Variants in CRB1 observed in about 807,000 individuals in gnomAD.
CRB1 encodes protein crumbs homolog 1.
Under a neutral mutation model 120.0 loss-of-function variants are expected in CRB1, and 83 were observed. The ratio of observed to expected loss-of-function variants is 0.69; its 90% confidence interval spans 0.58 to 0.83. CRB1 has a LOEUF of 0.83. Among genes scored for constraint, CRB1 ranks in the 40% least tolerant of loss-of-function variants. The pLI, the probability that CRB1 is intolerant of heterozygous loss-of-function variation, is 0.00. For synonymous variants in CRB1, 625 were observed against 612.5 expected, an observed-to-expected ratio of 1.02 and a Z score of -0.30; for missense variants, 1,699 against 1,687.6, an observed-to-expected ratio of 1.01 and a Z score of -0.12.
intron 6 of CRB1, among the ~76,000 whole-genome samples, chr1:197,423,727 T>C (rs1170588138): frequency 6.6e-6 from 1 of 152,168 alleles, no homozygotes; most frequent in Non-Finnish European, 1.5e-5. Flanking sequence ...CTTGCACTCA[T>C]ATTTGGCTCA....
chr1:197,350,446 G>T (rs144901716), intron 4 of CRB1, among the ~76,000 whole-genome samples: 7 of 152,314 alleles, frequency 4.6e-5, no homozygotes, highest in Non-Finnish European at 1.0e-4. Context: ...GTAGGAGGGC[G>T]AGAGTTTGTA....
intron 1 of CRB1, among the ~76,000 whole-genome samples, chr1:197,294,203 A>C (rs1314720006): frequency 7.2e-5 from 11 of 152,182 alleles, no homozygotes; most frequent in Non-Finnish European, 1.5e-5. Flanking sequence ...CAAAGAACTC[A>C]AACAAATTTA....
chr1:197,233,039 C>T, the CRB1 span, among the ~76,000 whole-genome samples: 12 of 151,924 alleles, frequency 7.9e-5, no homozygotes, highest in African/African-American at 2.7e-4. Context: ...GTTGACACAA[C>T]TCCCACTTTG....
chr1:197,442,439 A>G (rs776390187), intron 11 of CRB1, 147 bp downstream of exon 11: 1 of 1,569,626 alleles, frequency 6.4e-7, no homozygotes, highest in East Asian at 2.3e-5. Flanking sequence ...AACATTCCCA[A>G]ATGAAAAAAA....
intron 11 of CRB1, among the ~76,000 whole-genome samples, chr1:197,452,916 A>G (rs1666040919): frequency 6.6e-6 from 1 of 152,230 alleles, no homozygotes; most frequent in Admixed American, 6.5e-5. Context: ...CAGGATTTCA[A>G]AGACATATCT....
At chr1:197,317,628 G>A (rs2125283984) in intron 1 of CRB1, among the ~76,000 whole-genome samples, 1 of 152,216 alleles carries the variant, frequency 6.6e-6, no homozygotes, top group African/African-American at 2.4e-5. Context: ...AAACAGCATG[G>A]TAAATGGAAT....
At chr1:197,310,415 A>T (rs1461336476) in intron 1 of CRB1, among the ~76,000 whole-genome samples, 2 of 152,212 alleles carry the variant, frequency 1.3e-5, no homozygotes, top group Non-Finnish European at 2.9e-5. Flanking sequence ...ACTCAGCATT[A>T]TCTCTTGTCA....
At chr1:197,353,053 A>G (rs545141065) in intron 4 of CRB1, among the ~76,000 whole-genome samples, 4 of 152,220 alleles carry the variant, frequency 2.6e-5, no homozygotes, top group African/African-American at 4.8e-5. Context: ...TTTGTGAAGC[A>G]CACAGCCTGC....
chr1:197,390,252 A>G (rs1662431548), intron 5 of CRB1, among the ~76,000 whole-genome samples: 2 of 152,118 alleles, frequency 1.3e-5, no homozygotes, highest in Non-Finnish European at 2.9e-5. Context: ...TACATTATAA[A>G]CACATTTATA....
chr1:197,285,909 C>T lies in CRB1; in HGVS notation c.70+17427C>T, dbSNP rs554305120. On this transcript the variant is annotated intron_variant, in intron 1 of 11. Coordinates refer to ENST00000367400, the MANE Select transcript of CRB1 (RefSeq NM_201253.3). ...TTACTAGTTAATTTATTTAGTTATT[C>T]TTTGAATTTGAGCAGAATCTCTTTC... is the stretch of plus-strand genomic sequence containing the variant. Among the ~76,000 whole-genome samples, 3 of 151,938 alleles carry T rather than the reference C, an allele frequency of 2.0e-5. No individual in the cohort carries two copies. The South Asian group carries it at 6.2e-4, about 32-fold the overall frequency.
In CRB1 at chr1:197,415,617, T is replaced by C. The variant is rs544932857; in HGVS notation, c.1172-5383T>C. ...AAGACCTCTTTTTCTTTTTTCTTTT[T>C]TTTTTCTTTTTCTTTTTTCTTTTCT... On this transcript the variant is annotated intron_variant, in intron 5 of 11. Transcript: ENST00000367400. Among the ~76,000 whole-genome samples the C allele has an allele frequency of 2.5e-4, 37 of 150,080 alleles. No homozygotes were observed. The Middle Eastern group carries it at 0.01, about 42-fold the overall frequency.
chr1:197,377,602 T>G (rs545842421), intron 5 of CRB1, among the ~76,000 whole-genome samples: 235 of 152,324 alleles, frequency 1.5e-3, no homozygotes, highest in African/African-American at 5.5e-3. Context: ...TCCATGCCAC[T>G]TGACATATCA....
At chr1:197,311,191 G>T (rs1380211966) in intron 1 of CRB1, among the ~76,000 whole-genome samples, 1 of 152,140 alleles carries the variant, frequency 6.6e-6, no homozygotes, top group Non-Finnish European at 1.5e-5. Flanking sequence ...ATATGCAATG[G>T]GATATTATTC....
At chr1:197,438,743 A>G in intron 10 of CRB1, 68 bp downstream of exon 10, 3 of 1,581,780 alleles carry the variant, frequency 1.9e-6, no homozygotes, top group Middle Eastern at 1.7e-4. Context: ...CTCAAAGTTC[A>G]TTTTCTCCTC....
At chr1:197,287,481 G>A (rs1381130902) in intron 1 of CRB1, among the ~76,000 whole-genome samples, 1 of 151,728 alleles carries the variant, frequency 6.6e-6, no homozygotes, top group Non-Finnish European at 1.5e-5. Flanking sequence ...TCTAAAATAG[G>A]TCAACGGTAG....
chr1:197,207,531 G>C, the CRB1 span, among the ~76,000 whole-genome samples: 1 of 152,116 alleles, frequency 6.6e-6, no homozygotes, highest in East Asian at 1.9e-4. Flanking sequence ...TTTAAGGAGG[G>C]CAAAGATAGG....
chr1:197,350,355 T>C (rs544108422), intron 4 of CRB1, among the ~76,000 whole-genome samples: 23 of 152,164 alleles, frequency 1.5e-4, no homozygotes, highest in Non-Finnish European at 3.1e-4. Context: ...AGTAAAATTG[T>C]AAAAATAGAG....
chr1:197,204,972 C>T, the CRB1 span, among the ~76,000 whole-genome samples: 1 of 152,026 alleles, frequency 6.6e-6, no homozygotes, highest in Admixed American at 6.6e-5. Flanking sequence ...ATGAGGATCA[C>T]CTCCTTGGTT....
At chr1:197,476,308 C>G (rs1301125129) in intron 11 of CRB1, among the ~76,000 whole-genome samples, 1 of 151,798 alleles carries the variant, frequency 6.6e-6, no homozygotes. Context: ...TACTCCTCAA[C>G]ACAATTAATT....
Sources: allele counts gnomAD v4.1 joint callset (sites outside exome capture counted in the v4.1 genomes callset), GRCh38; gene constraint gnomAD v4.1.1; transcripts MANE v1.5; gene names NCBI Gene and HGNC (gene_info 2026-07-23, HGNC 2026-07-21).